The following BMPR1B variants were observed in gnomAD, a reference collection of about 807,000 sequenced individuals.
BMPR1B encodes bone morphogenetic protein receptor type 1B.
A neutral mutation model predicts 59.1 loss-of-function variants in BMPR1B; 12 were observed. The observed-to-expected ratio is 0.20, with a 90% CI of 0.13 to 0.33. BMPR1B has a LOEUF of 0.33. BMPR1B is among the 10% of genes least tolerant of loss of function. The probability of loss-of-function intolerance (pLI) is 1.00; values close to 1 mark genes in which losing one functional copy is unlikely to be tolerated. For missense variants in BMPR1B, 550 were observed against 610.9 expected (o/e 0.90, Z 1.05); for synonymous variants, 237 against 207.3 (o/e 1.14, Z -1.23).
At chr4:95,043,181 CAAAAAAAAAAAAAAAAAA>C (rs751904820) in intron 3 of BMPR1B, among the ~76,000 whole-genome samples, 2 of 51,438 alleles carry the variant, frequency 3.9e-5, no homozygotes, top group South Asian at 2.2e-3. Flanking sequence ...GACTCCGTCT[CAAAAAAAAAAAAAAAAAA>C]AAAAAAAAAA....
chr4:95,024,534 C>G lies in BMPR1B; in HGVS notation c.-18+28400C>G, dbSNP rs768986336. 3.3e-5 allele frequency among the ~76,000 whole-genome samples: 5 copies of G among 152,114 alleles called. No individual in the cohort carries two copies. The South Asian group carries it at 1.0e-3, about 32-fold the overall frequency. On this transcript the variant is annotated intron_variant, in intron 3 of 12. Coordinates refer to ENST00000515059, the MANE Select transcript of BMPR1B (RefSeq NM_001203.3). ...GAGTTACCTGACAAGGGCTTATTGT[C>G]ACATCATAAATACAACATGAACGTG...
intron 2 of BMPR1B, among the ~76,000 whole-genome samples, chr4:94,970,236 T>TCTTCTCTTCTCTTCTC (rs1174591733): frequency 1.4e-4 from 20 of 140,556 alleles, no homozygotes; most frequent in African/African-American, 5.3e-4. Context: ...CAGCTGTTTG[T>TCTTCTCTTCTCTTCTC]TTTTCTTCTC....
chr4:95,142,638 C>T (rs370580243), intron 10 of BMPR1B, among the ~76,000 whole-genome samples: 18 of 152,102 alleles, frequency 1.2e-4, no homozygotes, highest in African/African-American at 2.7e-4. Context: ...GAGGACCATC[C>T]GCATGTGCCC....
intron 2 of BMPR1B, among the ~76,000 whole-genome samples, chr4:94,938,883 T>A (rs1411694811): frequency 6.6e-6 from 1 of 151,428 alleles, no homozygotes; most frequent in Non-Finnish European, 1.5e-5. Context: ...TGGGGGCACA[T>A]GCCTGTAGTC....
At chr4:95,114,083 A>G (rs115019523) in intron 4 of BMPR1B, among the ~76,000 whole-genome samples, 1,552 of 152,226 alleles carry the variant, frequency 0.01, 22 homozygotes, top group African/African-American at 0.035. Context: ...TAATTTCTTT[A>G]TATGACAGGA....
intron 3 of BMPR1B, among the ~76,000 whole-genome samples, chr4:95,101,175 G>T (rs1408095384): frequency 6.6e-6 from 1 of 152,106 alleles, no homozygotes; most frequent in East Asian, 1.9e-4. Flanking sequence ...AAGAAGGCGC[G>T]TACCAGGCTG....
chr4:95,057,666 A>G (rs968816948), intron 3 of BMPR1B, among the ~76,000 whole-genome samples: 5 of 151,996 alleles, frequency 3.3e-5, no homozygotes, highest in Admixed American at 1.3e-4. Context: ...CACAGTGTCT[A>G]TTATTGTCTG....
intron 1 of BMPR1B, among the ~76,000 whole-genome samples, chr4:94,865,627 G>A (rs977591832): frequency 1.3e-5 from 2 of 152,076 alleles, no homozygotes; most frequent in South Asian, 2.1e-4. Context: ...TCCTGATCTC[G>A]TGATCCACCT....
At chr4:95,045,639 G>A (rs978980094) in intron 3 of BMPR1B, among the ~76,000 whole-genome samples, 3 of 151,994 alleles carry the variant, frequency 2.0e-5, no homozygotes, top group South Asian at 2.1e-4. Context: ...CCTCCCCCAC[G>A]CAAGTCCAAC....
At chr4:94,960,748 G>T (rs1560568481) in intron 2 of BMPR1B, among the ~76,000 whole-genome samples, 1 of 151,910 alleles carries the variant, frequency 6.6e-6, no homozygotes, top group African/African-American at 2.4e-5. Flanking sequence ...AGTTTAGAGA[G>T]AATTAATGAT....
In BMPR1B at chr4:95,104,499, C is replaced by T. The variant is rs972638580; in HGVS notation, c.75C>T (p.Pro25=). The T allele has an allele frequency of 6.2e-7, 1 of 1,613,518 alleles. No homozygotes were observed. Among genetic ancestry groups the T allele is most frequent in the Non-Finnish European group, 8.5e-7 (1 of 1,179,666 alleles). The part of the protein sequence containing the change: ...KEDGESTAPT[P]RPKVLRCKCH... ...ATGGTGAGAGTACAGCCCCCACCCCCCGTCCAAAGGTCTTGCGTTGTAAAT... is the reference window on the plus strand; with the variant it reads ...ATGGTGAGAGTACAGCCCCCACCCCTCGTCCAAAGGTCTTGCGTTGTAAAT... The change falls in exon 4 of 13, where the codon CCC becomes CCT. Residue 25 remains proline, a synonymous_variant. Coordinates refer to ENST00000515059, the MANE Select transcript of BMPR1B (RefSeq NM_001203.3).
intron 3 of BMPR1B, among the ~76,000 whole-genome samples, chr4:94,998,375 CT>C (rs11327811): frequency 0.67 from 92,407 of 137,910 alleles, 32,635 homozygotes; most frequent in East Asian, 0.85. Context: ...TACACTACTC[CT>C]TTTTTTTTTT....
In BMPR1B at chr4:95,129,971, T is replaced by C; in HGVS notation, c.695T>C (p.Val232Ala). Residue 232 changes from valine to alanine, a missense_variant, in exon 9 of 13, where the codon GTG becomes GCG. Val to Ala is a moderately conservative substitution (Grantham distance 64). Transcript: ENST00000515059. Reference sequence around the variant, plus strand: ...CGTGGCGAAAAGGTAGCTGTGAAAGTGTTCTTCACCACAGAGGAAGCCAGC... The same window carrying C: ...CGTGGCGAAAAGGTAGCTGTGAAAGCGTTCTTCACCACAGAGGAAGCCAGC... Reference protein sequence around the residue: ...KWRGEKVAVKVFFTTEEASWF... With the variant: ...KWRGEKVAVKAFFTTEEASWF... 1.2e-6 allele frequency: 2 copies of C among 1,613,974 alleles called. No homozygotes were observed. The highest frequency in any genetic ancestry group is 1.7e-6 in the Non-Finnish European group (2 of 1,179,932).
At chr4:95,090,183 A>G (rs1199314075) in intron 3 of BMPR1B, among the ~76,000 whole-genome samples, 1 of 152,056 alleles carries the variant, frequency 6.6e-6, no homozygotes, top group Admixed American at 6.6e-5. Context: ...TTTTCTAACA[A>G]AATTTTTAAT....
chr4:95,057,145 C>T (rs1403582738), intron 3 of BMPR1B, among the ~76,000 whole-genome samples: 1 of 152,120 alleles, frequency 6.6e-6, no homozygotes, highest in Non-Finnish European at 1.5e-5. Context: ...AATCTATGTC[C>T]CTGGACATAC....
chr4:95,092,124 C>T (rs1180197426), intron 3 of BMPR1B, among the ~76,000 whole-genome samples: 1 of 151,880 alleles, frequency 6.6e-6, no homozygotes, highest in Non-Finnish European at 1.5e-5. Context: ...TTAAAAAATG[C>T]AAAATGATTC....
At chr4:94,917,691 G>A (rs748590101) in intron 2 of BMPR1B, among the ~76,000 whole-genome samples, 11 of 152,124 alleles carry the variant, frequency 7.2e-5, no homozygotes, top group Non-Finnish European at 1.5e-5. Flanking sequence ...TCTCAGATGA[G>A]ACTTCAGACT....
rs1274316527 is a variant in BMPR1B, at chr4:95,157,412, A to C, written c.*2739A>C. ...GATTTCAAAATTTCTAGTGGCTCAGAAGTGAATTTTATTTTATTTGTCTTT... is the reference window on the plus strand; with the variant it reads ...GATTTCAAAATTTCTAGTGGCTCAGCAGTGAATTTTATTTTATTTGTCTTT... On this transcript the variant is annotated 3_prime_UTR_variant, in exon 13 of 13. Coordinates refer to ENST00000515059, the MANE Select transcript of BMPR1B (RefSeq NM_001203.3). 6 of 152,064 alleles carry C rather than the reference A, an allele frequency of 3.9e-5. No individual in the cohort carries two copies. The highest frequency in any genetic ancestry group is 1.4e-4 in the African/African-American group (6 of 41,436). The allele number at this position is 152,064 out of a possible 1,614,324, so 9.4% of individuals were successfully genotyped here. A position where few individuals can be genotyped will look rare whatever the true frequency, so the allele number is the denominator to read the frequency against.
chr4:95,037,700 A>G (rs1055465982), intron 3 of BMPR1B, among the ~76,000 whole-genome samples: 1 of 152,170 alleles, frequency 6.6e-6, no homozygotes, highest in Non-Finnish European at 1.5e-5. Context: ...GTAGGTAGAG[A>G]AACCAGAGGG....
Sources: allele counts gnomAD v4.1 joint callset (sites outside exome capture counted in the v4.1 genomes callset), GRCh38; gene constraint gnomAD v4.1.1; transcripts MANE v1.5; gene names NCBI Gene and HGNC (gene_info 2026-07-23, HGNC 2026-07-21).